HNF4G: variants seen among roughly 807,000 people sequenced by gnomAD.
The protein encoded by HNF4G is hepatocyte nuclear factor 4 gamma.
A neutral mutation model predicts 50.9 loss-of-function variants in HNF4G; 21 were observed. The ratio of observed to expected loss-of-function variants is 0.41; its 90% confidence interval spans 0.29 to 0.59. HNF4G has a LOEUF of 0.59. Ranked by LOEUF, HNF4G falls within the 20% of genes least tolerant of loss-of-function variation. HNF4G has a pLI of 0.26. For synonymous variants in HNF4G, 198 were observed against 185.6 expected, an observed-to-expected ratio of 1.07 and a Z score of -0.54; for missense variants, 527 against 559.4, an observed-to-expected ratio of 0.94 and a Z score of 0.58.
intron 1 of HNF4G, among the ~76,000 whole-genome samples, chr8:75,439,010 C>A (rs891576520): frequency 6.6e-6 from 1 of 151,924 alleles, no homozygotes; most frequent in African/African-American, 2.4e-5. Flanking sequence ...TAGTACTGCA[C>A]CGTGCATGTG....
intron 1 of HNF4G, among the ~76,000 whole-genome samples, chr8:75,422,088 A>G (rs1267213223): frequency 3.9e-5 from 6 of 152,216 alleles, no homozygotes; most frequent in Admixed American, 1.3e-4. Context: ...GGAAACTGAG[A>G]TCAGTGGGCA....
chr8:75,408,241 G>GGAGAGAGA (rs3832563), intron 1 of HNF4G: 10 of 148,820 alleles, frequency 6.7e-5, no homozygotes, highest in Admixed American at 6.7e-4. Context: ...AAAGAGAGAA[G>GGAGAGAGA]GAGAGAGAGA....
intron 2 of HNF4G, among the ~76,000 whole-genome samples, chr8:75,523,297 T>G (rs1806094534): frequency 6.6e-6 from 1 of 152,124 alleles, no homozygotes; most frequent in Non-Finnish European, 1.5e-5. Flanking sequence ...ATAGTAATGT[T>G]CTCAAATCCA....
intron 2 of HNF4G, among the ~76,000 whole-genome samples, chr8:75,498,433 C>A (rs1096389): frequency 0.8 from 120,828 of 151,672 alleles, 48,843 homozygotes; most frequent in African/African-American, 0.95. Context: ...TCCCGCAAAA[C>A]AAGTCCAGGA....
intron 1 of HNF4G, among the ~76,000 whole-genome samples, chr8:75,449,723 G>A (rs994924442): frequency 2.6e-5 from 4 of 151,696 alleles, no homozygotes; most frequent in African/African-American, 9.7e-5. Context: ...TAGCCCGGAT[G>A]GTCTCGATCT....
At chr8:75,444,263 G>C (rs1315574494) in intron 1 of HNF4G, among the ~76,000 whole-genome samples, 7 of 151,626 alleles carry the variant, frequency 4.6e-5, no homozygotes, top group Non-Finnish European at 7.4e-5. Flanking sequence ...TGCCCTAAAA[G>C]AGCTCCTGAA....
chr8:75,566,804 A>G lies in HNF4G; in HGVS notation c.*2708A>G, dbSNP rs1295713186. ...TGTGATGCTATGTTTGTTTCACTAA[A>G]CTTTCTAAATAAAAACTGAGAAAAA... is the stretch of plus-strand genomic sequence containing the variant. On this transcript the variant is annotated 3_prime_UTR_variant, in exon 10 of 10. Transcript: ENST00000396423. 7.2e-6 allele frequency: 1 copy of G among 139,118 alleles called. No homozygotes were observed. Among genetic ancestry groups the G allele is most frequent in the African/African-American group, 2.9e-5 (1 of 34,640 alleles). 8.6% of individuals were successfully genotyped at this position (139,118 alleles called of 1,614,324 possible). A position where few individuals can be genotyped will look rare whatever the true frequency, so the allele number is the denominator to read the frequency against.
At chr8:75,523,381 C>G (rs1477253610) in intron 2 of HNF4G, among the ~76,000 whole-genome samples, 1 of 152,192 alleles carries the variant, frequency 6.6e-6, no homozygotes, top group Admixed American at 6.6e-5. Flanking sequence ...TTCAATTTCA[C>G]AGGCTCTCTA....
intron 2 of HNF4G, among the ~76,000 whole-genome samples, chr8:75,528,072 C>A (rs1806228907): frequency 6.6e-6 from 1 of 152,130 alleles, no homozygotes; most frequent in Non-Finnish European, 1.5e-5. Context: ...GTGCATTTTG[C>A]AATTTCCTTG....
intron 2 of HNF4G, among the ~76,000 whole-genome samples, chr8:75,505,023 T>C (rs955380788): frequency 2.6e-5 from 4 of 152,160 alleles, no homozygotes; most frequent in African/African-American, 9.6e-5. Flanking sequence ...GAATCTGGGA[T>C]ATGCTCAATT....
intron 1 of HNF4G, among the ~76,000 whole-genome samples, chr8:75,489,573 T>C (rs1311372169): frequency 2.0e-5 from 3 of 152,204 alleles, no homozygotes; most frequent in Non-Finnish European, 4.4e-5. Flanking sequence ...AATTGAACTC[T>C]ATAACTTTCT....
chr8:75,434,859 C>T (rs560130824), intron 1 of HNF4G, among the ~76,000 whole-genome samples: 1 of 152,236 alleles, frequency 6.6e-6, no homozygotes, highest in South Asian at 2.1e-4. Context: ...TCAAAAATAA[C>T]ATTTGAAGAA....
intron 2 of HNF4G, among the ~76,000 whole-genome samples, chr8:75,527,333 G>A (rs1248464364): frequency 6.6e-6 from 1 of 152,174 alleles, no homozygotes; most frequent in Non-Finnish European, 1.5e-5. Context: ...TTAAATCAGT[G>A]TCTTTAAATA....
chr8:75,527,350 C>T (rs1230069511), intron 2 of HNF4G, among the ~76,000 whole-genome samples: 1 of 152,132 alleles, frequency 6.6e-6, no homozygotes, highest in East Asian at 1.9e-4. Flanking sequence ...AATAGAAACA[C>T]ACACAAAAGG....
intron 2 of HNF4G, 36 bp from the exon 3 acceptor site, chr8:75,547,551 T>C (rs893642202): frequency 1.2e-5 from 16 of 1,363,600 alleles, no homozygotes; most frequent in Non-Finnish European, 1.6e-5. Context: ...TTGTAAATTA[T>C]AGTTTTCTGC....
At chr8:75,430,573 A>G (rs1563503279) in intron 1 of HNF4G, among the ~76,000 whole-genome samples, 1 of 152,028 alleles carries the variant, frequency 6.6e-6, no homozygotes, top group Non-Finnish European at 1.5e-5. Context: ...GTAGTGAAGG[A>G]AAAGGAAAGT....
intron 1 of HNF4G, among the ~76,000 whole-genome samples, chr8:75,467,114 C>T (rs1812007354): frequency 6.6e-6 from 1 of 152,118 alleles, no homozygotes; most frequent in Non-Finnish European, 1.5e-5. Flanking sequence ...TATACATTCT[C>T]ATTTGTTTTC....
chr8:75,444,271 G>A lies in HNF4G; in HGVS notation c.-144+36109G>A, dbSNP rs1811366128. On this transcript the variant is annotated intron_variant, in intron 1 of 10. Coordinates refer to the HNF4G transcript ENST00000354370. Reference sequence around the variant, plus strand: ...CCAAGCCTGCCCTAAAAGAGCTCCTGAAGGAAGCGCTAAACATGGAAAGGA... The same window carrying A: ...CCAAGCCTGCCCTAAAAGAGCTCCTAAAGGAAGCGCTAAACATGGAAAGGA... Among the ~76,000 whole-genome samples, 4 of 151,864 alleles carry A rather than the reference G, an allele frequency of 2.6e-5. No homozygotes were observed. In the South Asian group the frequency reaches 8.3e-4, roughly 32 times the overall value.
At chr8:75,529,526 A>G (rs1483756917) in intron 2 of HNF4G, among the ~76,000 whole-genome samples, 2 of 152,188 alleles carry the variant, frequency 1.3e-5, no homozygotes, top group Non-Finnish European at 1.5e-5. Context: ...ATATAAGCCT[A>G]GGAGACAGAG....
Sources: allele counts gnomAD v4.1 joint callset (sites outside exome capture counted in the v4.1 genomes callset), GRCh38; gene constraint gnomAD v4.1.1; transcripts MANE v1.5; gene names NCBI Gene and HGNC (gene_info 2026-07-23, HGNC 2026-07-21).